VPS53: variants seen among roughly 807,000 people sequenced by gnomAD.
VPS53 encodes vacuolar protein sorting-associated protein 53 homolog.
Under a neutral mutation model 107.0 loss-of-function variants are expected in VPS53, and 70 were observed. That is an observed-to-expected ratio of 0.65 (90% CI 0.54 to 0.80). The LOEUF is 0.80. Among genes scored for constraint, VPS53 ranks in the 30% least tolerant of loss-of-function variants. The pLI is 0.00. For synonymous variants in VPS53, 409 were observed against 393.3 expected, an observed-to-expected ratio of 1.04 and a Z score of -0.47; for missense variants, 917 against 1,049.4, an observed-to-expected ratio of 0.87 and a Z score of 1.74.
In VPS53 at chr17:655,315, T is replaced by TAAAAAGTAGATTGAAA. The variant is rs60550992; in HGVS notation, c.488+522_488+523insTTTCAATCTACTTTTT. 5.5e-4 allele frequency among the ~76,000 whole-genome samples: 83 copies of TAAAAAGTAGATTGAAA among 151,576 alleles called. 1 individual carries two copies. The East Asian group carries it at 9.5e-3, about 17-fold the overall frequency. ...ACAAGCCAAACGGAAATCTACTTTA[T>TAAAAAGTAGATTGAAA]AAAAAAAAGTGGTTTGAATGATTGA... On this transcript the variant is annotated intron_variant, in intron 6 of 21. Coordinates refer to ENST00000437048, the MANE Select transcript of VPS53 (RefSeq NM_001128159.3).
At chr17:610,005 G>T (rs150674644) in intron 11 of VPS53, among the ~76,000 whole-genome samples, 142 of 151,936 alleles carry the variant, frequency 9.3e-4, no homozygotes, top group Admixed American at 2.6e-3. Context: ...GGTGGCGGGC[G>T]CCTGTAGTCC....
At chr17:615,871 C>G (rs1220326394) in intron 11 of VPS53, 2 of 152,244 alleles carry the variant, frequency 1.3e-5, no homozygotes, top group Non-Finnish European at 2.9e-5. Context: ...CAGGCAGCCC[C>G]TTCCCGGTGC....
intron 15 of VPS53, among the ~76,000 whole-genome samples, chr17:553,718 GCGCTAC>G (rs1161087837): frequency 6.6e-6 from 1 of 151,742 alleles, no homozygotes; most frequent in Non-Finnish European, 1.5e-5. Context: ...CTACAGGCGT[GCGCTAC>G]CACACCCGGC....
Position 517,664 on chromosome 17 carries a change from C to T in VPS53, c.*1464G>A. The stretch of plus-strand genomic sequence containing the variant: ...CCTCCCCAGTAGCTGGGATTACAGG[C>T]ACTCGCCATGACACCCGGCTAATTT... On this transcript the variant is annotated 3_prime_UTR_variant, in exon 22 of 22. Transcript: ENST00000437048. 1 of 369,440 alleles carries T rather than the reference C, an allele frequency of 2.7e-6. No homozygotes were observed. The highest frequency in any genetic ancestry group is 3.9e-5 in the East Asian group (1 of 25,602). The allele number at this position is 369,440 out of a possible 1,614,324, so 22.9% of individuals were successfully genotyped here.
At chr17:643,807 T>TGAGGACAACACTCATACTTGGAAACC in intron 7 of VPS53, among the ~76,000 whole-genome samples, 1 of 148,732 alleles carries the variant, frequency 6.7e-6, no homozygotes, top group African/African-American at 2.5e-5. Flanking sequence ...ACTTGGCAAC[T>TGAGGACAACACTCATACTTGGAAACC]GAGGACAACA....
intron 1 of VPS53, 62 bp downstream of exon 1, chr17:714,561 C>G: frequency 2.0e-6 from 3 of 1,507,262 alleles, no homozygotes; most frequent in South Asian, 2.5e-5. Context: ...CTCCCCAGCG[C>G]CCGGAGCTGC....
Position 665,689 on chromosome 17 carries a change from T to C in VPS53, c.286-3794A>G, listed in dbSNP as rs191566160. On this transcript the variant is annotated intron_variant, in intron 4 of 21. Coordinates refer to ENST00000437048, the MANE Select transcript of VPS53 (RefSeq NM_001128159.3). ...AACTTCTTAGAAATTACTTCATGGT[T>C]GTGACCGGAGTGTTGGTAGAAATAC... 5.5e-3 allele frequency among the ~76,000 whole-genome samples: 835 copies of C among 152,298 alleles called. 26 individuals are homozygous for C. Among genetic ancestry groups the C allele is most frequent in the Admixed American group, 0.05 (772 of 15,298 alleles).
chr17:663,155 A>G (rs1251183999), intron 4 of VPS53, among the ~76,000 whole-genome samples: 2 of 152,160 alleles, frequency 1.3e-5, no homozygotes, highest in Admixed American at 6.5e-5. Flanking sequence ...GTGAACTGTG[A>G]TCATGCCACT....
intron 13 of VPS53, among the ~76,000 whole-genome samples, chr17:569,423 T>C (rs1294743440): frequency 6.6e-6 from 1 of 152,182 alleles, no homozygotes; most frequent in East Asian, 1.9e-4. Flanking sequence ...AAGAAATCTG[T>C]ACTATTTGTG....
At chr17:664,782 A>C (rs1483621383) in intron 4 of VPS53, among the ~76,000 whole-genome samples, 1 of 152,150 alleles carries the variant, frequency 6.6e-6, no homozygotes, top group Non-Finnish European at 1.5e-5. Context: ...GAAGACGCCG[A>C]GCGATTCAGG....
At chr17:667,654 C>CT (rs1262083311) in intron 4 of VPS53, among the ~76,000 whole-genome samples, 1 of 20,974 alleles carries the variant, frequency 4.8e-5, no homozygotes, top group Non-Finnish European at 9.7e-5. Flanking sequence ...ACATAATGTT[C>CT]TGGGGGGGGG....
At chr17:546,329 T>TCACACACACACACACACACA (rs71371545) in intron 17 of VPS53, among the ~76,000 whole-genome samples, 2 of 131,868 alleles carry the variant, frequency 1.5e-5, no homozygotes, top group South Asian at 2.6e-4. Flanking sequence ...CTTAGATATC[T>TCACACACACACACACACACA]CACACACACA....
intron 12 of VPS53, among the ~76,000 whole-genome samples, chr17:592,734 T>C (rs1225818201): frequency 3.3e-5 from 5 of 152,244 alleles, no homozygotes; most frequent in Non-Finnish European, 5.9e-5. Context: ...TTCTGGCTTG[T>C]AGAGTTTCTG....
intron 7 of VPS53, among the ~76,000 whole-genome samples, chr17:647,276 A>ATACCAGTT (rs1970749872): frequency 6.6e-6 from 1 of 152,218 alleles, no homozygotes. Flanking sequence ...TGTACAGCAT[A>ATACCAGTT]TACCAGTTTT....
At position 536,898 on chromosome 17, in the gene VPS53, T is replaced by TGG. The variant is rs149251996; in HGVS notation, c.2015+128_2015+129dup. The TGG allele has an allele frequency of 4.2e-6, 5 of 1,181,484 alleles. No homozygotes were observed. The East Asian group carries it at 1.0e-4, about 25-fold the overall frequency. The allele number at this position is 1,181,484 out of a possible 1,614,324, so 73.2% of individuals were successfully genotyped here. On this transcript the variant is annotated intron_variant, in intron 18 of 21. Transcript: ENST00000437048. ...TCGGTAATGGGAAGACTGTGCATGT[T>TGG]GGGGGGGTCAGGTACACGGGAAATC...
At chr17:670,406 T>C (rs1025313656) in intron 4 of VPS53, among the ~76,000 whole-genome samples, 2 of 152,208 alleles carry the variant, frequency 1.3e-5, no homozygotes, top group Non-Finnish European at 2.9e-5. Flanking sequence ...TGCATCCTAA[T>C]GGTAACCACT....
intron 4 of VPS53, among the ~76,000 whole-genome samples, chr17:670,573 G>A (rs189455170): frequency 2.6e-4 from 39 of 152,228 alleles, no homozygotes; most frequent in Admixed American, 8.5e-4. Context: ...TGTCTGCCAC[G>A]TTAGTAGACA....
intron 7 of VPS53, among the ~76,000 whole-genome samples, chr17:633,901 G>C (rs1970070717): frequency 6.6e-6 from 1 of 152,222 alleles, no homozygotes; most frequent in Non-Finnish European, 1.5e-5. Context: ...CAGGTCACAG[G>C]ACAGCTTCCA....
Position 674,836 on chromosome 17 carries a change from C to T in VPS53, c.286-12941G>A, listed in dbSNP as rs548177121. On this transcript the variant is annotated intron_variant, in intron 4 of 21. Coordinates refer to ENST00000437048, the MANE Select transcript of VPS53 (RefSeq NM_001128159.3). ...ATCTGGGTCTGTGATTAACTCGCTT[C>T]GTGTGATTTTGGGCACGTCACAGAA... The T allele has an allele frequency of 7.2e-5, 11 of 152,332 alleles. No individual in the cohort carries two copies. In the East Asian group the frequency reaches 7.7e-4, roughly 11 times the overall value. The allele number at this position is 152,332 out of a possible 1,614,324, so 9.4% of individuals were successfully genotyped here.
Sources: gnomAD v4.1 joint callset for allele counts (sites outside exome capture counted in the v4.1 genomes callset) on GRCh38, gnomAD v4.1.1 for gene constraint, MANE v1.5 for transcripts, NCBI Gene and HGNC (gene_info 2026-07-23, HGNC 2026-07-21) for gene names.